Variants in NMNAT3 observed in about 807,000 individuals in gnomAD.
NMNAT3 encodes the protein nicotinamide/nicotinic acid mononucleotide adenylyltransferase 3.
Under a neutral mutation model 24.8 loss-of-function variants are expected in NMNAT3, and 21 were observed. That is an observed-to-expected ratio of 0.85 (90% CI 0.60 to 1.22). The LOEUF is 1.22. NMNAT3 is among the 50% of genes most tolerant of loss of function. NMNAT3 has a pLI of 0.00. For missense variants in NMNAT3, 387 were observed against 436.6 expected (o/e 0.89, Z 1.01); for synonymous variants, 136 against 155.2 (o/e 0.88, Z 0.92).
intron 3 of NMNAT3, among the ~76,000 whole-genome samples, chr3:139,593,693 A>T (rs569303084): frequency 6.7e-6 from 1 of 149,716 alleles, no homozygotes; most frequent in Non-Finnish European, 1.5e-5. Flanking sequence ...AAACTGAACA[A>T]CCTGCTCCTG....
At chr3:139,638,098 A>C (rs1474383099) in intron 1 of NMNAT3, 36 bp from the exon 2 acceptor site, 1 of 152,226 alleles carries the variant, frequency 6.6e-6, no homozygotes, top group Non-Finnish European at 1.5e-5. Context: ...AAAACAGCAG[A>C]GCCCCAGGTT....
chr3:139,631,181 T>C (rs1412619511), intron 2 of NMNAT3, among the ~76,000 whole-genome samples: 1 of 152,166 alleles, frequency 6.6e-6, no homozygotes, highest in Non-Finnish European at 1.5e-5. Flanking sequence ...GTGCTATGTC[T>C]GGGCCATATC....
chr3:139,656,676 CA>C (rs1246716083), intron 1 of NMNAT3, among the ~76,000 whole-genome samples: 4 of 152,098 alleles, frequency 2.6e-5, no homozygotes, highest in African/African-American at 9.7e-5. Flanking sequence ...CTTGTAGTCC[CA>C]GCTAGTTGGG....
intron 3 of NMNAT3, among the ~76,000 whole-genome samples, chr3:139,601,330 T>C (rs1240659859): frequency 6.6e-6 from 1 of 152,196 alleles, no homozygotes; most frequent in Non-Finnish European, 1.5e-5. Flanking sequence ...CTCTGCTACT[T>C]ATGAGCTGTG....
At chr3:139,614,551 A>G (rs2055392013) in intron 3 of NMNAT3, among the ~76,000 whole-genome samples, 1 of 152,218 alleles carries the variant, frequency 6.6e-6, no homozygotes, top group Non-Finnish European at 1.5e-5. Context: ...GACATTTTGT[A>G]TAGGCCAATT....
At chr3:139,635,195 TC>T (rs2056456458) in intron 2 of NMNAT3, 1 of 152,160 alleles carries the variant, frequency 6.6e-6, no homozygotes, top group African/African-American at 2.4e-5. Flanking sequence ...GAAAAAGACC[TC>T]CCATTTTTCT....
At chr3:139,602,004 A>T (rs931389880) in intron 3 of NMNAT3, among the ~76,000 whole-genome samples, 1 of 152,236 alleles carries the variant, frequency 6.6e-6, no homozygotes, top group Non-Finnish European at 1.5e-5. Flanking sequence ...CTGCATTAAC[A>T]TCCTTGCCCA....
chr3:139,595,248 T>G (rs1271977916), intron 3 of NMNAT3, among the ~76,000 whole-genome samples: 3 of 152,180 alleles, frequency 2.0e-5, no homozygotes, highest in East Asian at 1.9e-4. Flanking sequence ...GGAATCCAAC[T>G]TACAAGGGAT....
At chr3:139,664,340 G>A (rs545541488) in intron 1 of NMNAT3, among the ~76,000 whole-genome samples, 2 of 152,254 alleles carry the variant, frequency 1.3e-5, no homozygotes, top group African/African-American at 2.4e-5. Flanking sequence ...GCTAGACTAC[G>A]ATTCCTCATG....
intron 2 of NMNAT3, chr3:139,636,146 T>C (rs1041354597): frequency 1.3e-5 from 2 of 152,202 alleles, no homozygotes; most frequent in African/African-American, 4.8e-5. Flanking sequence ...TTATTTTCCA[T>C]TTTTCTATTA....
chr3:139,652,710 A>C (rs2057096285), intron 1 of NMNAT3, among the ~76,000 whole-genome samples: 1 of 152,134 alleles, frequency 6.6e-6, no homozygotes, highest in Non-Finnish European at 1.5e-5. Flanking sequence ...AATTACATCC[A>C]CTTTAATTTT....
intron 1 of NMNAT3, among the ~76,000 whole-genome samples, chr3:139,665,336 T>TA (rs2057542701): frequency 6.6e-6 from 1 of 152,224 alleles, no homozygotes; most frequent in African/African-American, 2.4e-5. Flanking sequence ...GAGACACCTG[T>TA]ACTCATTTGC....
At chr3:139,592,683 G>A (rs1406833241) in intron 3 of NMNAT3, among the ~76,000 whole-genome samples, 1 of 151,928 alleles carries the variant, frequency 6.6e-6, no homozygotes, top group Non-Finnish European at 1.5e-5. Context: ...TTAAAGAAAA[G>A]AATTTTCAAC....
At chr3:139,579,659 G>A (rs1233258977) in intron 4 of NMNAT3, among the ~76,000 whole-genome samples, 1 of 152,146 alleles carries the variant, frequency 6.6e-6, no homozygotes. Context: ...CATGATAACT[G>A]CCCTGTAGAT....
At chr3:139,671,854 T>C (rs1037217563) in intron 1 of NMNAT3, among the ~76,000 whole-genome samples, 1 of 152,242 alleles carries the variant, frequency 6.6e-6, no homozygotes, top group African/African-American at 2.4e-5. Context: ...TAATGATCAC[T>C]GGCTCACAGA....
At chr3:139,597,345 A>G (rs1049912860) in intron 3 of NMNAT3, among the ~76,000 whole-genome samples, 2 of 152,042 alleles carry the variant, frequency 1.3e-5, no homozygotes, top group Non-Finnish European at 2.9e-5. Flanking sequence ...TTATTGAATG[A>G]CTCAAGTGTG....
intron 1 of NMNAT3, among the ~76,000 whole-genome samples, chr3:139,674,465 A>C (rs548841082): frequency 6.6e-6 from 1 of 152,330 alleles, no homozygotes; most frequent in East Asian, 1.9e-4. Flanking sequence ...TAAACGAGCA[A>C]AGACAGACAC....
chr3:139,581,812 G>A (rs1015846928), intron 4 of NMNAT3, among the ~76,000 whole-genome samples: 5 of 152,038 alleles, frequency 3.3e-5, no homozygotes, highest in African/African-American at 4.8e-5. Flanking sequence ...ATGGTCTCAC[G>A]GCTGTACACA....
intron 1 of NMNAT3, among the ~76,000 whole-genome samples, chr3:139,672,241 T>C (rs1005761203): frequency 1.3e-5 from 2 of 152,140 alleles, no homozygotes; most frequent in African/African-American, 4.8e-5. Flanking sequence ...ATCCCCGGGC[T>C]CTGTCCTGCC....
Sources: gnomAD v4.1 joint callset for allele counts (sites outside exome capture counted in the v4.1 genomes callset) on GRCh38, gnomAD v4.1.1 for gene constraint, MANE v1.5 for transcripts, NCBI Gene and HGNC (gene_info 2026-07-23, HGNC 2026-07-21) for gene names.